The following ERC1 variants were observed in gnomAD, a reference collection of about 807,000 sequenced individuals.
The protein encoded by ERC1 is RAB6 interacting protein 2.
In ERC1, 56 loss-of-function variants were observed where a neutral mutation model predicts 132.0. The observed-to-expected ratio is 0.42, with a 90% confidence interval of 0.34 to 0.53. ERC1 has a LOEUF of 0.53. Ranked by LOEUF, ERC1 falls within the 20% of genes least tolerant of loss-of-function variation. ERC1 has a pLI of 0.03. For synonymous variants in ERC1, 478 were observed against 476.1 expected, an observed-to-expected ratio of 1.00 and a Z score of -0.05; for missense variants, 1,202 against 1,349.9, an observed-to-expected ratio of 0.89 and a Z score of 1.72.
At chr12:1,357,874 C>T (rs1231462090) in intron 15 of ERC1, among the ~76,000 whole-genome samples, 2 of 152,164 alleles carry the variant, frequency 1.3e-5, no homozygotes, top group African/African-American at 4.8e-5. Context: ...AGATCTCCAG[C>T]GCAGATCAGT....
At chr12:1,033,547 T>C (rs1450863338) in intron 2 of ERC1, among the ~76,000 whole-genome samples, 2 of 151,736 alleles carry the variant, frequency 1.3e-5, no homozygotes, top group African/African-American at 2.4e-5. Flanking sequence ...TACTGGAAGC[T>C]CTGCCTCCCG....
At chr12:1,182,696 C>G (rs530247187) in intron 10 of ERC1, among the ~76,000 whole-genome samples, 21 of 151,324 alleles carry the variant, frequency 1.4e-4, no homozygotes, top group African/African-American at 4.9e-4. Flanking sequence ...GTGTCTCACT[C>G]TGTTGCCCAG....
intron 7 of ERC1, among the ~76,000 whole-genome samples, chr12:1,123,977 C>T (rs533250527): frequency 1.2e-4 from 19 of 152,296 alleles, no homozygotes; most frequent in African/African-American, 3.4e-4. Context: ...GCGCAAGATT[C>T]TGTCTATAAG....
chr12:1,068,246 T>G (rs140812998), intron 2 of ERC1, among the ~76,000 whole-genome samples: 2 of 95,644 alleles, frequency 2.1e-5, no homozygotes, highest in East Asian at 4.7e-4. Flanking sequence ...AGATCTTAAT[T>G]AAGACTCTAA....
intron 2 of ERC1, among the ~76,000 whole-genome samples, chr12:1,042,880 A>G (rs1970485162): frequency 6.6e-6 from 1 of 152,126 alleles, no homozygotes; most frequent in Admixed American, 6.5e-5. Context: ...GGGCATAGGA[A>G]CTTAAAGTAG....
chr12:1,198,730 G>T (rs181150671), intron 12 of ERC1, among the ~76,000 whole-genome samples: 1 of 152,212 alleles, frequency 6.6e-6, no homozygotes, highest in Non-Finnish European at 1.5e-5. Flanking sequence ...TACAGTCATA[G>T]CAGAAGGTGA....
intron 14 of ERC1, among the ~76,000 whole-genome samples, chr12:1,272,589 T>G (rs545445272): frequency 6.6e-6 from 1 of 152,348 alleles, no homozygotes; most frequent in South Asian, 2.1e-4. Flanking sequence ...AGAGTCTGTC[T>G]TAGATCAATA....
chr12:1,307,666 G>A (rs1262204005), intron 15 of ERC1, among the ~76,000 whole-genome samples: 2 of 152,090 alleles, frequency 1.3e-5, no homozygotes, highest in Non-Finnish European at 2.9e-5. Flanking sequence ...TCACTGTTTA[G>A]GTAAGTTGAT....
chr12:1,479,761 G>A (rs1436329377), intron 18 of ERC1, among the ~76,000 whole-genome samples: 2 of 152,152 alleles, frequency 1.3e-5, no homozygotes, highest in Non-Finnish European at 2.9e-5. Flanking sequence ...TCAGGAGTGT[G>A]GGTGCTCCTG....
At position 1,419,361 on chromosome 12, in the gene ERC1, G is replaced by T. The variant is rs141849879; in HGVS notation, c.3024+11114G>T. On this transcript the variant is annotated intron_variant, in intron 17 of 18. Coordinates refer to ENST00000360905, the MANE Select transcript of ERC1 (RefSeq NM_178040.4). ...ATGTACTTTTTCTCCAAAATTATAC[G>T]TCCTGGATACATTTCTTTATGTAGA... 4.2e-4 allele frequency among the ~76,000 whole-genome samples: 64 copies of T among 151,656 alleles called. 1 individual carries two copies. In the South Asian group the frequency reaches 0.012, roughly 28 times the overall value.
At position 1,255,628 on chromosome 12, in the gene ERC1, T is replaced by G. The variant is rs1198330637; in HGVS notation, c.2488-7406T>G. Among the ~76,000 whole-genome samples the G allele has an allele frequency of 2.8e-4, 34 of 121,318 alleles. 1 individual carries two copies. Among genetic ancestry groups the G allele is most frequent in the African/African-American group, 1.1e-3 (33 of 29,664 alleles). The allele number at this position is 121,318 out of a possible 152,430, so 79.6% of individuals were successfully genotyped here. A position where few individuals can be genotyped will look rare whatever the true frequency, so the allele number is the denominator to read the frequency against. On this transcript the variant is annotated intron_variant, in intron 13 of 18. Coordinates refer to ENST00000360905, the MANE Select transcript of ERC1 (RefSeq NM_178040.4). ...CATCTGTTGCTTCCTGGCCTTTTTT[T>G]TTTTTTTTTTTTTTTTTTTTTTGAG...
chr12:1,488,169 T>TG (rs1248126719), intron 18 of ERC1, among the ~76,000 whole-genome samples: 1 of 146,184 alleles, frequency 6.8e-6, no homozygotes, highest in Non-Finnish European at 1.5e-5. Context: ...AAAAGATAGA[T>TG]GGGGTCTCAC....
At chr12:1,254,391 TAGTG>T (rs1445777998) in intron 13 of ERC1, among the ~76,000 whole-genome samples, 3 of 152,238 alleles carry the variant, frequency 2.0e-5, no homozygotes, top group Non-Finnish European at 4.4e-5. Flanking sequence ...TTTTTCTAAT[TAGTG>T]AGTGCTATAA....
intron 4 of ERC1, among the ~76,000 whole-genome samples, chr12:1,107,540 T>A (rs1945394379): frequency 6.6e-6 from 1 of 152,178 alleles, no homozygotes; most frequent in South Asian, 2.1e-4. Flanking sequence ...ATAGGATCCA[T>A]CAGTCCTATA....
chr12:1,370,698 T>A (rs1054465601), intron 15 of ERC1, among the ~76,000 whole-genome samples: 5 of 151,742 alleles, frequency 3.3e-5, no homozygotes. Flanking sequence ...CTTACTAATA[T>A]AGTTTTTTTT....
At chr12:1,478,798 A>G (rs12811996) in intron 18 of ERC1, among the ~76,000 whole-genome samples, 3,954 of 151,126 alleles carry the variant, frequency 0.026, 96 homozygotes, top group Non-Finnish European at 0.045. Context: ...CAATAAAAAA[A>G]AGAGAGAGAG....
chr12:1,187,193 G>A (rs1955194659), intron 11 of ERC1, among the ~76,000 whole-genome samples: 1 of 151,984 alleles, frequency 6.6e-6, no homozygotes, highest in African/African-American at 2.4e-5. Flanking sequence ...GCCTTTTTTT[G>A]AGTTTGTATT....
At chr12:1,434,577 C>G (rs2092899202) in intron 17 of ERC1, among the ~76,000 whole-genome samples, 1 of 152,198 alleles carries the variant, frequency 6.6e-6, no homozygotes, top group Non-Finnish European at 1.5e-5. Context: ...TTCCATTTCC[C>G]ACTTCCCAGT....
chr12:1,318,995 A>C (rs1047922328), intron 15 of ERC1, among the ~76,000 whole-genome samples: 3 of 152,192 alleles, frequency 2.0e-5, no homozygotes, highest in Admixed American at 6.5e-5. Context: ...AGGTTATGGA[A>C]AAGCATTTCC....
Sources: gnomAD v4.1 joint callset for allele counts (sites outside exome capture counted in the v4.1 genomes callset) on GRCh38, gnomAD v4.1.1 for gene constraint, MANE v1.5 for transcripts, NCBI Gene and HGNC (gene_info 2026-07-23, HGNC 2026-07-21) for gene names.